The following GPHN variants were observed in gnomAD, a reference collection of about 807,000 sequenced individuals.
GPHN encodes gephyrin.
In GPHN, 17 loss-of-function variants were observed where a neutral mutation model predicts 95.5. The observed-to-expected ratio is 0.18, with a 90% confidence interval of 0.12 to 0.27. The LOEUF is 0.27. Among genes scored for constraint, GPHN ranks in the 10% least tolerant of loss-of-function variants. The probability of loss-of-function intolerance (pLI) is 1.00; values close to 1 mark genes in which losing one functional copy is unlikely to be tolerated. For missense variants in GPHN, 660 were observed against 978.1 expected (o/e 0.67, Z 4.34); for synonymous variants, 320 against 322.5 (o/e 0.99, Z 0.08).
At chr14:66,724,448 C>CT (rs1363202539) in intron 2 of GPHN, among the ~76,000 whole-genome samples, 1 of 152,094 alleles carries the variant, frequency 6.6e-6, no homozygotes, top group African/African-American at 2.4e-5. Context: ...ATTAGCCTTT[C>CT]TTTTTTATTT....
At chr14:67,636,198 G>T in the GPHN span, among the ~76,000 whole-genome samples, 1 of 151,944 alleles carries the variant, frequency 6.6e-6, no homozygotes, top group Non-Finnish European at 1.5e-5. Context: ...CTCTTGACTT[G>T]CTATGAGCCC....
chr14:66,782,573 A>T (rs2059642376), intron 3 of GPHN, among the ~76,000 whole-genome samples: 1 of 152,156 alleles, frequency 6.6e-6, no homozygotes, highest in Non-Finnish European at 1.5e-5. Flanking sequence ...TAATCCCAGC[A>T]CTTTGGGAGG....
the GPHN span, among the ~76,000 whole-genome samples, chr14:67,625,680 CA>C: frequency 0.029 from 929 of 32,080 alleles, 3 homozygotes; most frequent in African/African-American, 0.086. Flanking sequence ...AACTCCATCT[CA>C]AAAAAAAAAA....
At chr14:67,587,088 C>T in the GPHN span, 1 of 1,609,120 alleles carries the variant, frequency 6.2e-7, no homozygotes, top group Admixed American at 1.7e-5. Context: ...CAGAAGCTAC[C>T]TTCATCATGG....
chr14:67,403,950 G>T, the GPHN span, among the ~76,000 whole-genome samples: 1 of 152,156 alleles, frequency 6.6e-6, no homozygotes, highest in Non-Finnish European at 1.5e-5. Flanking sequence ...CAACTCAAGA[G>T]GCTGAGGTGG....
chr14:66,696,888 C>T (rs1242117548), intron 2 of GPHN, among the ~76,000 whole-genome samples: 6 of 152,074 alleles, frequency 3.9e-5, no homozygotes, highest in Non-Finnish European at 7.4e-5. Flanking sequence ...TGGTTTATCA[C>T]GTAAAATTAA....
chr14:67,387,469 AAGG>A, the GPHN span: 1 of 1,597,000 alleles, frequency 6.3e-7, no homozygotes, highest in Non-Finnish European at 8.5e-7. Context: ...AGGCAGAAAA[AAGG>A]GGGAAAAAAA....
the GPHN span, chr14:67,621,016 T>C: frequency 6.4e-7 from 1 of 1,550,522 alleles, no homozygotes; most frequent in Non-Finnish European, 8.9e-7. Flanking sequence ...AATAGACCAC[T>C]TCAGAGTCTT....
At chr14:66,530,695 T>G (rs1304400317) in intron 1 of GPHN, among the ~76,000 whole-genome samples, 1 of 152,038 alleles carries the variant, frequency 6.6e-6, no homozygotes, top group Non-Finnish European at 1.5e-5. Flanking sequence ...CCTCAGGGCT[T>G]CCCTTGGCTA....
At chr14:66,843,671 A>G (rs879810282) in intron 4 of GPHN, among the ~76,000 whole-genome samples, 3 of 152,214 alleles carry the variant, frequency 2.0e-5, no homozygotes, top group Admixed American at 6.5e-5. Context: ...TATTTCCAAT[A>G]AAAGTTTTGC....
At chr14:67,421,695 C>T in the GPHN span, among the ~76,000 whole-genome samples, 22 of 152,290 alleles carry the variant, frequency 1.4e-4, no homozygotes, top group South Asian at 2.7e-3. Context: ...GATGTGCATT[C>T]GGAGCCATTG....
intron 4 of GPHN, among the ~76,000 whole-genome samples, chr14:66,831,400 AC>A (rs2061572330): frequency 1.3e-5 from 2 of 152,136 alleles, no homozygotes; most frequent in Non-Finnish European, 2.9e-5. Flanking sequence ...AATACTAGAA[AC>A]CCTTATACCT....
At chr14:67,147,301 A>C (rs567273007) in intron 18 of GPHN, among the ~76,000 whole-genome samples, 1 of 152,126 alleles carries the variant, frequency 6.6e-6, no homozygotes, top group Non-Finnish European at 1.5e-5. Flanking sequence ...AATGCTCTAA[A>C]TCTGTCTCTG....
chr14:66,519,565 A>G (rs1175690873), intron 1 of GPHN, among the ~76,000 whole-genome samples: 3 of 152,072 alleles, frequency 2.0e-5, no homozygotes, highest in Non-Finnish European at 4.4e-5. Flanking sequence ...CTCACATAAT[A>G]GTTGTTTAGA....
chr14:67,496,405 T>TTTTTTTG, the GPHN span, among the ~76,000 whole-genome samples: 2 of 129,804 alleles, frequency 1.5e-5, no homozygotes, highest in Non-Finnish European at 3.3e-5. Context: ...TTTTTTTTTT[T>TTTTTTTG]TTTTTTTTTT....
At chr14:67,360,018 A>T in the GPHN span, 1 of 527,850 alleles carries the variant, frequency 1.9e-6, no homozygotes, top group Admixed American at 3.7e-5. Flanking sequence ...GGCACGCGCC[A>T]GGCCAAAGAC....
intron 3 of GPHN, among the ~76,000 whole-genome samples, chr14:66,790,486 A>G (rs903579930): frequency 6.6e-6 from 1 of 152,234 alleles, no homozygotes; most frequent in Non-Finnish European, 1.5e-5. Context: ...ATGGCTTTTA[A>G]ATGCTCAAGA....
chr14:66,914,845 A>C (rs1470591299), intron 5 of GPHN, among the ~76,000 whole-genome samples: 1 of 152,132 alleles, frequency 6.6e-6, no homozygotes, highest in Non-Finnish European at 1.5e-5. Context: ...ATTCCTAAGT[A>C]AACAGGAACA....
chr14:66,560,661 T>C (rs1275039690), intron 1 of GPHN, among the ~76,000 whole-genome samples: 3 of 152,212 alleles, frequency 2.0e-5, no homozygotes, highest in East Asian at 1.9e-4. Flanking sequence ...AGGGGTTTTC[T>C]AGATATGCGA....
Sources: gnomAD v4.1 joint callset for allele counts (sites outside exome capture counted in the v4.1 genomes callset) on GRCh38, gnomAD v4.1.1 for gene constraint, MANE v1.5 for transcripts, NCBI Gene and HGNC (gene_info 2026-07-23, HGNC 2026-07-21) for gene names.